Variants in PTPN22 observed in about 807,000 individuals in gnomAD.
PTPN22 encodes the protein tyrosine-protein phosphatase non-receptor type 22.
In PTPN22, 85 loss-of-function variants were observed where a neutral mutation model predicts 103.3. The observed-to-expected ratio is 0.82, with a 90% CI of 0.69 to 0.99. The LOEUF (loss-of-function observed/expected upper bound fraction) is 0.99, where lower values mean the gene tolerates loss of function less well. Among genes scored for constraint, PTPN22 ranks in the 50% least tolerant of loss-of-function variants. The pLI, the probability that PTPN22 is intolerant of heterozygous loss-of-function variation, is 0.00. For synonymous variants in PTPN22, 323 were observed against 310.2 expected (o/e 1.04, Z -0.43); for missense variants, 865 against 936.9 (o/e 0.92, Z 1.00).
chr1:113,834,106 C>T (rs1022085213), intron 15 of PTPN22, among the ~76,000 whole-genome samples: 2 of 152,026 alleles, frequency 1.3e-5, no homozygotes, highest in Non-Finnish European at 1.5e-5. Context: ...TTGTACACAT[C>T]CTATATCTCT....
intron 18 of PTPN22, among the ~76,000 whole-genome samples, chr1:113,827,188 A>G (rs1662154875): frequency 6.6e-6 from 1 of 152,182 alleles, no homozygotes; most frequent in African/African-American, 2.4e-5. Flanking sequence ...CCTAACAGAA[A>G]TGTGCTCTTC....
At chr1:113,822,353 G>C (rs1411465723) in intron 19 of PTPN22, among the ~76,000 whole-genome samples, 1 of 152,088 alleles carries the variant, frequency 6.6e-6, no homozygotes, top group Non-Finnish European at 1.5e-5. Context: ...AAATAAATAG[G>C]AAACAGAGCA....
intron 18 of PTPN22, among the ~76,000 whole-genome samples, chr1:113,827,212 T>C (rs925376459): frequency 4.6e-5 from 7 of 152,210 alleles, no homozygotes; most frequent in Non-Finnish European, 8.8e-5. Flanking sequence ...GGAATAGATA[T>C]TTAATACATT....
chr1:113,858,814 AC>A (rs1241285259), intron 3 of PTPN22, among the ~76,000 whole-genome samples, 187 bp downstream of exon 3: 1 of 151,224 alleles, frequency 6.6e-6, no homozygotes. Context: ...TAATTTTTTA[AC>A]TTTTTGTTGA....
At chr1:113,835,601 T>C (rs1013802727) in intron 13 of PTPN22, among the ~76,000 whole-genome samples, 3 of 152,316 alleles carry the variant, frequency 2.0e-5, no homozygotes, top group Non-Finnish European at 4.4e-5. Flanking sequence ...TAAAATATTA[T>C]ATTAATTTTG....
At chr1:113,858,910 AT>A in intron 3 of PTPN22, 91 bp downstream of exon 3, 2 of 1,512,056 alleles carry the variant, frequency 1.3e-6, no homozygotes, top group Non-Finnish European at 1.8e-6. Flanking sequence ...AAGTGCTGGG[AT>A]TACAGGCATG....
In PTPN22 at chr1:113,834,303, A is replaced by C; in HGVS notation, c.2025+6T>G. 2.5e-6 allele frequency: 4 copies of C among 1,612,918 alleles called. No individual in the cohort carries two copies. Among genetic ancestry groups the C allele is most frequent in the Non-Finnish European group, 3.4e-6 (4 of 1,179,450 alleles). On this transcript the variant is annotated splice_donor_region_variant and intron_variant, in intron 15 of 20. Transcript: ENST00000359785. ...AAATGAGTAGAGTCATTAAAAAATT[A>C]TTGACCTTGCTTGGTCTAAGTATCA...
At chr1:113,832,802 T>C (rs1457609014) in intron 16 of PTPN22, 2 of 224,754 alleles carry the variant, frequency 8.9e-6, no homozygotes, top group Middle Eastern at 1.5e-3. Context: ...AATAATTTTT[T>C]GAATCACACT....
chr1:113,819,702 A>G (rs1338091442), intron 19 of PTPN22, 48 bp from the exon 20 acceptor site: 6 of 1,296,538 alleles, frequency 4.6e-6, no homozygotes, highest in Non-Finnish European at 6.6e-6. Flanking sequence ...AGACAGACTC[A>G]GATGACTGTT....
chr1:113,834,493 C>G (rs1662809710), intron 14 of PTPN22, 54 bp from the exon 15 acceptor site: 1 of 1,531,900 alleles, frequency 6.5e-7, no homozygotes, highest in Admixed American at 1.7e-5. Context: ...TTTTAGACAT[C>G]AAATGTTGCT....
At chr1:113,818,857 C>G (rs1283169867) in intron 20 of PTPN22, among the ~76,000 whole-genome samples, 1 of 152,176 alleles carries the variant, frequency 6.6e-6, no homozygotes, top group Non-Finnish European at 1.5e-5. Flanking sequence ...CTACAGTCTG[C>G]ATGTGGCGGC....
exon 14 of PTPN22, chr1:113,834,951 G>A (rs764275349): frequency 1.5e-5 from 23 of 1,574,088 alleles, no homozygotes; most frequent in Non-Finnish European, 1.8e-5. Flanking sequence ...TGTCCATACA[G>A]GAAGTGGAGG....
intron 13 of PTPN22, 87 bp downstream of exon 13, chr1:113,837,503 A>T: frequency 1.1e-6 from 1 of 891,050 alleles, no homozygotes; most frequent in Non-Finnish European, 1.7e-6. Flanking sequence ...GAAGCAGAGG[A>T]GAAGAGGGAA....
intron 16 of PTPN22, 34 bp from the exon 17 acceptor site, chr1:113,830,063 A>G: frequency 6.9e-7 from 1 of 1,451,462 alleles, no homozygotes; most frequent in South Asian, 1.2e-5. Flanking sequence ...AACCAGAGAA[A>G]TCCATCAATT....
intron 1 of PTPN22, among the ~76,000 whole-genome samples, chr1:113,862,080 A>T (rs1401669579): frequency 2.6e-5 from 4 of 151,936 alleles, no homozygotes; most frequent in Non-Finnish European, 4.4e-5. Flanking sequence ...GGAGTTCGAG[A>T]CCAGCCTGGC....
At chr1:113,867,679 A>C (rs562225656) in intron 1 of PTPN22, among the ~76,000 whole-genome samples, 1 of 152,334 alleles carries the variant, frequency 6.6e-6, no homozygotes, top group Admixed American at 6.5e-5. Context: ...TTTGCACACA[A>C]TAAGCACTCA....
chr1:113,864,044 T>C (rs1665890378), intron 1 of PTPN22, among the ~76,000 whole-genome samples: 1 of 150,178 alleles, frequency 6.7e-6, no homozygotes, highest in Non-Finnish European at 1.5e-5. Flanking sequence ...GATAGGAGAG[T>C]CACTTGCGGT....
chr1:113,846,013 T>C (rs1664023151), intron 11 of PTPN22, among the ~76,000 whole-genome samples: 1 of 152,210 alleles, frequency 6.6e-6, no homozygotes, highest in Admixed American at 6.5e-5. Flanking sequence ...TCTTATATAT[T>C]TGAAGTGAGT....
intron 20 of PTPN22, chr1:113,815,600 A>G (rs1271620906): frequency 1.3e-5 from 2 of 152,254 alleles, no homozygotes; most frequent in African/African-American, 4.8e-5. Context: ...AAAGATGTGC[A>G]TGTTGATGAT....
Sources: gnomAD v4.1 joint callset for allele counts (sites outside exome capture counted in the v4.1 genomes callset) on GRCh38, gnomAD v4.1.1 for gene constraint, MANE v1.5 for transcripts, NCBI Gene and HGNC (gene_info 2026-07-23, HGNC 2026-07-21) for gene names.